SNU13: variants seen among roughly 807,000 people sequenced by gnomAD.
SNU13 encodes the protein NHP2-like protein 1.
In SNU13, 2 loss-of-function variants were observed where a neutral mutation model predicts 12.4. The ratio of observed to expected loss-of-function variants is 0.16; its 90% confidence interval spans 0.07 to 0.51. SNU13 has a LOEUF of 0.51. Ranked by LOEUF, SNU13 falls within the 20% of genes least tolerant of loss-of-function variation. The pLI, the probability that SNU13 is intolerant of heterozygous loss-of-function variation, is 0.96. For missense variants in SNU13, 66 were observed against 157.8 expected (o/e 0.42, Z 3.12); for synonymous variants, 68 against 66.5 (o/e 1.02, Z -0.11).
At chr22:41,684,008 T>C (rs150989831) in intron 1 of SNU13, among the ~76,000 whole-genome samples, 1 of 152,192 alleles carries the variant, frequency 6.6e-6, no homozygotes, top group African/African-American at 2.4e-5. Flanking sequence ...GTTCAAGCAA[T>C]TCTCCTACCT....
intron 1 of SNU13, among the ~76,000 whole-genome samples, chr22:41,685,666 TAA>T (rs1168654442): frequency 7.1e-6 from 1 of 141,208 alleles, no homozygotes; most frequent in African/African-American, 2.6e-5. Flanking sequence ...CCTGGCTAAT[TAA>T]AAAAAAAATT....
At chr22:41,675,282 A>G in intron 2 of SNU13, 87 bp from the exon 3 acceptor site, 1 of 1,512,802 alleles carries the variant, frequency 6.6e-7, no homozygotes, top group Non-Finnish European at 9.0e-7. Flanking sequence ...CTAGGCACAC[A>G]CAATTATGTG....
chr22:41,685,278 C>A (rs897107654), intron 1 of SNU13, among the ~76,000 whole-genome samples: 5 of 152,026 alleles, frequency 3.3e-5, no homozygotes, highest in African/African-American at 1.2e-4. Context: ...AGGGCTCAAG[C>A]GATCCTCCTG....
rs1569112695 is a variant in SNU13, at chr22:41,688,843, G to A, written c.-47C>T. On this transcript the variant is annotated 5_prime_UTR_variant, in exon 1 of 3. The change creates a new upstream start codon in the 5' untranslated region. Coordinates refer to ENST00000401959, the MANE Select transcript of SNU13 (RefSeq NM_001003796.2). ...GCACTCCTAGGGGAGCGCAGCTGAC[G>A]TTTCAGAAGCACTCGCGTGCACCGG... 22 of 1,562,010 alleles carry A rather than the reference G, an allele frequency of 1.4e-5. No homozygotes were observed. The highest frequency in any genetic ancestry group is 1.8e-5 in the Non-Finnish European group (21 of 1,144,646).
At position 41,687,403 on chromosome 22, in the gene SNU13, C is replaced by T. The variant is rs142492910; in HGVS notation, c.3+1391G>A. Among the ~76,000 whole-genome samples, 1,280 of 152,252 alleles carry T rather than the reference C, an allele frequency of 8.4e-3. 45 individuals carry two copies. The highest frequency in any genetic ancestry group is 0.063 in the Admixed American group (962 of 15,276). The stretch of plus-strand genomic sequence containing the variant: ...TCTCTGGAAATCAGGATTCTCAAAT[C>T]TCAATAAACATCAAATTCATAAAAG... On this transcript the variant is annotated intron_variant, in intron 1 of 2. Transcript: ENST00000401959.
At chr22:41,690,334 A>C, upstream of SNU13, 2 of 705,554 alleles carry the variant, frequency 2.8e-6, no homozygotes, top group Non-Finnish European at 5.3e-6. Context: ...ACCCCATCAC[A>C]CATTCAGGGA....
At position 41,682,856 on chromosome 22, in the gene SNU13, C is replaced by T. The variant is rs570984196; in HGVS notation, c.4-2492G>A. On this transcript the variant is annotated intron_variant, in intron 1 of 2. Transcript: ENST00000401959. ...TAGAGACGGGGTTTCACCACTTTGG[C>T]CAGGCTGGTCTCGAACTCCTGATCT... Among the ~76,000 whole-genome samples the T allele has an allele frequency of 1.9e-3, 287 of 152,222 alleles. 1 individual carries two copies. The highest frequency in any genetic ancestry group is 3.4e-3 in the Middle Eastern group (1 of 294).
At chr22:41,688,687 C>T (rs1211299807) in intron 1 of SNU13, 107 bp downstream of exon 1, 149 of 1,458,100 alleles carry the variant, frequency 1.0e-4, no homozygotes, top group Non-Finnish European at 1.4e-4. Context: ...GACCCAACGC[C>T]GGCGGATGAG....
intron 2 of SNU13, 67 bp downstream of exon 2, chr22:41,680,177 G>A: frequency 1.3e-6 from 2 of 1,515,146 alleles, no homozygotes; most frequent in Non-Finnish European, 1.8e-6. Flanking sequence ...CTGGAAATCA[G>A]ATCAGAGGCC....
chr22:41,676,381 T>C (rs1027489318), intron 2 of SNU13, among the ~76,000 whole-genome samples: 3 of 152,210 alleles, frequency 2.0e-5, no homozygotes, highest in Admixed American at 6.6e-5. Context: ...CTACACTGTC[T>C]GAGTGCAAAT....
At chr22:41,684,262 A>G (rs1234912578) in intron 1 of SNU13, among the ~76,000 whole-genome samples, 2 of 152,226 alleles carry the variant, frequency 1.3e-5, no homozygotes, top group African/African-American at 4.8e-5. Context: ...CTGGTGAGAA[A>G]GAGGGGCTTC....
upstream of SNU13, among the ~76,000 whole-genome samples, chr22:41,689,480 T>A (rs1201058163): frequency 7.3e-6 from 1 of 137,184 alleles, no homozygotes; most frequent in Admixed American, 7.6e-5. Flanking sequence ...CCATCCTGGC[T>A]AACACAGTGA....
In SNU13 at chr22:41,678,270, C is replaced by T. The variant is rs556982252; in HGVS notation, c.124+1974G>A. 2.0e-5 allele frequency among the ~76,000 whole-genome samples: 3 copies of T among 152,258 alleles called. No individual in the cohort carries two copies. In the South Asian group the frequency reaches 6.2e-4, roughly 32 times the overall value. ...GATTACAGGTGTGAGCCACCGCGCCCGGCCTCTTACAGCATTCTTTACCAC... is the reference window on the plus strand; with the variant it reads ...GATTACAGGTGTGAGCCACCGCGCCTGGCCTCTTACAGCATTCTTTACCAC... On this transcript the variant is annotated intron_variant, in intron 2 of 2. Transcript: ENST00000401959.
upstream of SNU13, chr22:41,688,881 A>C: frequency 6.6e-7 from 1 of 1,505,100 alleles, no homozygotes; most frequent in Non-Finnish European, 9.0e-7. Context: ...AAACTCACAG[A>C]AGCAGCAGCG....
chr22:41,675,399 C>T (rs959407911), intron 2 of SNU13, among the ~76,000 whole-genome samples: 4 of 152,056 alleles, frequency 2.6e-5, no homozygotes, highest in Non-Finnish European at 5.9e-5. Flanking sequence ...CCTCAAAACA[C>T]GTCCTGAATC....
At chr22:41,682,420 C>A (rs377140661) in intron 1 of SNU13, 1 of 1,612,674 alleles carries the variant, frequency 6.2e-7, no homozygotes, top group East Asian at 2.2e-5. Context: ...TCGGTTTGGA[C>A]GGTCTGCTGC....
intron 1 of SNU13, among the ~76,000 whole-genome samples, chr22:41,686,941 A>G (rs1363836754): frequency 6.7e-6 from 1 of 149,266 alleles, no homozygotes; most frequent in Non-Finnish European, 1.5e-5. Flanking sequence ...TTTGGTTAAT[A>G]ATTTATCACA....
Position 41,674,733 on chromosome 22 carries a change from G to A in SNU13, c.*200C>T, listed in dbSNP as rs1202439921. The stretch of plus-strand genomic sequence containing the variant: ...AAGGGAGGATAAAAGGATGAAGGAT[G>A]GCAGAGGGAGGGAGGAAAGGAAGGG... On this transcript the variant is annotated 3_prime_UTR_variant, in exon 3 of 3. Coordinates refer to ENST00000401959, the MANE Select transcript of SNU13 (RefSeq NM_001003796.2). 4.6e-6 allele frequency: 3 copies of A among 658,210 alleles called. No homozygotes were observed. The highest frequency in any genetic ancestry group is 7.5e-6 in the Non-Finnish European group (3 of 398,298). 40.8% of individuals were successfully genotyped at this position (658,210 alleles called of 1,614,324 possible).
At chr22:41,678,705 G>A (rs1351623807) in intron 2 of SNU13, among the ~76,000 whole-genome samples, 2 of 152,140 alleles carry the variant, frequency 1.3e-5, no homozygotes, top group Non-Finnish European at 2.9e-5. Flanking sequence ...GAGAGCTGGT[G>A]GGTCACCCTA....
Sources: gnomAD v4.1 joint callset for allele counts (sites outside exome capture counted in the v4.1 genomes callset) on GRCh38, gnomAD v4.1.1 for gene constraint, MANE v1.5 for transcripts, NCBI Gene and HGNC (gene_info 2026-07-23, HGNC 2026-07-21) for gene names.